NRXN1: variants seen among roughly 807,000 people sequenced by gnomAD.
The protein encoded by NRXN1 is neurexin-1.
Under a neutral mutation model 150.9 loss-of-function variants are expected in NRXN1, and 39 were observed. That is an observed-to-expected ratio of 0.26 (90% CI 0.20 to 0.34). The LOEUF is 0.34. Among genes scored for constraint, NRXN1 ranks in the 10% least tolerant of loss-of-function variants. The pLI is 1.00. For missense variants in NRXN1, 1,815 were observed against 1,949.9 expected (o/e 0.93, Z 1.30); for synonymous variants, 924 against 757.0 (o/e 1.22, Z -3.62).
chr2:50,387,708 T>C, intron 17 of NRXN1, among the ~76,000 whole-genome samples: 1 of 152,182 alleles, frequency 6.6e-6, no homozygotes, highest in East Asian at 1.9e-4. Flanking sequence ...GAAGCTTCTC[T>C]TCGGGGAATC....
intron 5 of NRXN1, among the ~76,000 whole-genome samples, chr2:50,775,126 A>G (rs984183281): frequency 6.6e-6 from 1 of 152,140 alleles, no homozygotes; most frequent in African/African-American, 2.4e-5. Context: ...TAGCTCCAAG[A>G]TGGTCTGATT....
chr2:50,788,599 G>C (rs1705481145), intron 5 of NRXN1, among the ~76,000 whole-genome samples: 1 of 151,912 alleles, frequency 6.6e-6, no homozygotes. Context: ...GTGTGAGAGA[G>C]AGAGACAGAG....
chr2:50,718,900 TAGATA>T (rs1314841713), intron 5 of NRXN1, among the ~76,000 whole-genome samples: 2 of 152,088 alleles, frequency 1.3e-5, no homozygotes, highest in Non-Finnish European at 2.9e-5. Context: ...CTAAGCTGAT[TAGATA>T]AAACAGACCA....
At chr2:49,941,674 A>G (rs1671998029) in intron 22 of NRXN1, among the ~76,000 whole-genome samples, 1 of 152,206 alleles carries the variant, frequency 6.6e-6, no homozygotes, top group Admixed American at 6.5e-5. Flanking sequence ...AAGAACTTCA[A>G]CAGTTTTCAT....
intron 5 of NRXN1, among the ~76,000 whole-genome samples, chr2:50,651,456 T>A (rs888088335): frequency 6.7e-6 from 1 of 149,996 alleles, no homozygotes; most frequent in African/African-American, 2.5e-5. Flanking sequence ...CTACCAAAAA[T>A]AACATAACAT....
At chr2:50,509,427 T>C (rs1014430) in intron 12 of NRXN1, among the ~76,000 whole-genome samples, 133,329 of 152,118 alleles carry the variant, frequency 0.88, 58,845 homozygotes, top group African/African-American at 0.97. Context: ...GAAATGACTG[T>C]TCCTAAAGAT....
intron 18 of NRXN1, among the ~76,000 whole-genome samples, chr2:50,201,161 CAG>C (rs1329694493): frequency 6.6e-6 from 1 of 152,094 alleles, no homozygotes; most frequent in African/African-American, 2.4e-5. Context: ...AAATGCTATG[CAG>C]AGGTGAAAAG....
In NRXN1 at chr2:50,454,095, G is replaced by A. The variant is rs1262650499; in HGVS notation, c.3364+11347C>T. On this transcript the variant is annotated intron_variant, in intron 17 of 22. Transcript: ENST00000401669. ...GTAATCCCAGCACTTTGAGGCCGAGGTGGGCAGATCACTTGAGGTCAGGAG... is the reference window on the plus strand; with the variant it reads ...GTAATCCCAGCACTTTGAGGCCGAGATGGGCAGATCACTTGAGGTCAGGAG... Among the ~76,000 whole-genome samples, 2 of 152,234 alleles carry A rather than the reference G, an allele frequency of 1.3e-5. 1 individual carries two copies. Among genetic ancestry groups the A allele is most frequent in the East Asian group, 3.9e-4 (2 of 5,154 alleles).
intron 5 of NRXN1, among the ~76,000 whole-genome samples, chr2:50,909,566 C>G (rs897642566): frequency 1.3e-5 from 2 of 151,960 alleles, no homozygotes; most frequent in African/African-American, 4.8e-5. Context: ...AGTGTTATCT[C>G]TGAGTCCTAA....
At chr2:50,653,305 T>C (rs189551233) in intron 5 of NRXN1, among the ~76,000 whole-genome samples, 4 of 152,076 alleles carry the variant, frequency 2.6e-5, no homozygotes, top group East Asian at 3.9e-4. Context: ...TCTATATTCA[T>C]GCCCATAGAA....
intron 12 of NRXN1, among the ~76,000 whole-genome samples, chr2:50,517,878 A>G (rs2092674642): frequency 6.6e-6 from 1 of 152,152 alleles, no homozygotes; most frequent in Non-Finnish European, 1.5e-5. Context: ...CCTAAATGAT[A>G]GCAAACTTAT....
chr2:50,198,588 A>T (rs367717561), intron 18 of NRXN1, among the ~76,000 whole-genome samples: 1 of 152,220 alleles, frequency 6.6e-6, no homozygotes, highest in East Asian at 1.9e-4. Flanking sequence ...AATACAATAC[A>T]AATTGTTTTT....
intron 5 of NRXN1, among the ~76,000 whole-genome samples, chr2:50,809,652 G>T (rs1667955198): frequency 6.6e-6 from 1 of 152,104 alleles, no homozygotes; most frequent in South Asian, 2.1e-4. Context: ...TAACCTAAAA[G>T]AACCCAACTA....
chr2:50,178,294 G>A (rs2060474518), intron 18 of NRXN1, among the ~76,000 whole-genome samples: 1 of 151,934 alleles, frequency 6.6e-6, no homozygotes, highest in South Asian at 2.1e-4. Context: ...AACACAGTCT[G>A]CTCAATCTGG....
At chr2:50,171,314 T>C (rs975239369) in intron 18 of NRXN1, among the ~76,000 whole-genome samples, 5 of 152,090 alleles carry the variant, frequency 3.3e-5, no homozygotes, top group African/African-American at 1.2e-4. Flanking sequence ...ATGAAAATTT[T>C]CAAGAAAATT....
chr2:51,011,590 G>A (rs1308332336), intron 2 of NRXN1, among the ~76,000 whole-genome samples: 1 of 152,052 alleles, frequency 6.6e-6, no homozygotes, highest in East Asian at 2.0e-4. Flanking sequence ...TAGGTCCAGA[G>A]AGAGTAACAC....
At position 50,553,319 on chromosome 2, in the gene NRXN1, C is replaced by A. The variant is rs562908808; in HGVS notation, c.1321-294G>T. 6.6e-5 allele frequency among the ~76,000 whole-genome samples: 10 copies of A among 152,324 alleles called. No individual in the cohort carries two copies. The South Asian group carries it at 2.1e-3, about 32-fold the overall frequency. ...AAATAATTTAAAAATCTGCATATAT[C>A]TTTAATTTCATGTCTACATTACCAT... On this transcript the variant is annotated intron_variant, in intron 8 of 22. Coordinates refer to ENST00000401669, the MANE Select transcript of NRXN1 (RefSeq NM_001330078.2).
At chr2:50,862,667 C>G (rs1001162515) in intron 5 of NRXN1, among the ~76,000 whole-genome samples, 1 of 152,076 alleles carries the variant, frequency 6.6e-6, no homozygotes, top group Non-Finnish European at 1.5e-5. Flanking sequence ...TAGTACATGA[C>G]TGCTGTTTAT....
intron 2 of NRXN1, among the ~76,000 whole-genome samples, chr2:50,950,180 T>C (rs1057497951): frequency 2.0e-5 from 3 of 152,196 alleles, no homozygotes; most frequent in African/African-American, 7.2e-5. Flanking sequence ...ATTTCCTTTT[T>C]TTCTGGATTC....
Sources: gnomAD v4.1 joint callset for allele counts (sites outside exome capture counted in the v4.1 genomes callset) on GRCh38, gnomAD v4.1.1 for gene constraint, MANE v1.5 for transcripts, NCBI Gene and HGNC (gene_info 2026-07-23, HGNC 2026-07-21) for gene names.